The following ANK3 variants were observed in gnomAD, a reference collection of about 807,000 sequenced individuals.
ANK3 encodes the protein ankyrin 3.
ANK3 carries 57 observed loss-of-function variants against 370.9 expected under a neutral mutation model. The observed-to-expected ratio is 0.15, with a 90% CI of 0.12 to 0.19. The LOEUF (loss-of-function observed/expected upper bound fraction) is 0.19. Among genes scored for constraint, ANK3 ranks in the 10% least tolerant of loss-of-function variants. The pLI is 1.00. For missense variants in ANK3, 4,439 were observed against 5,302.1 expected (o/e 0.84, Z 5.06); for synonymous variants, 1,929 against 1,946.3 (o/e 0.99, Z 0.23).
chr10:60,074,583 C>T lies in ANK3; in HGVS notation c.6298G>A (p.Asp2100Asn). ...TSEKELCKMA[D>N]SFFGTDTILE... ...ATAGTATCTGTTCCAAAAAAGGAAT[C>T]AGCCATTTTACACAATTCTTTCTCA... Residue 2100 changes from aspartate to asparagine, a missense_variant, in exon 37 of 44, where the codon GAT becomes AAT. This residue lies in a region of ANK3 where 679 missense variants were observed against 791.0 expected (regional missense o/e 0.86). Transcript: ENST00000280772. 6.2e-7 allele frequency: 1 copy of T among 1,614,104 alleles called. No individual in the cohort carries two copies. Among genetic ancestry groups the T allele is most frequent in the Non-Finnish European group, 8.5e-7 (1 of 1,179,998 alleles).
chr10:60,368,335 A>G (rs1413532476), intron 1 of ANK3, among the ~76,000 whole-genome samples: 1 of 152,166 alleles, frequency 6.6e-6, no homozygotes, highest in Non-Finnish European at 1.5e-5. Flanking sequence ...AACGGCACAT[A>G]GTCATGGAGA....
At chr10:60,484,081 CA>C (rs1333026749) in intron 2 of ANK3, among the ~76,000 whole-genome samples, 1 of 151,938 alleles carries the variant, frequency 6.6e-6, no homozygotes, top group African/African-American at 2.4e-5. Context: ...TGAAGATAAG[CA>C]ATAATAAAGT....
chr10:60,250,626 A>G (rs1468390230), intron 7 of ANK3, among the ~76,000 whole-genome samples: 1 of 152,006 alleles, frequency 6.6e-6, no homozygotes, highest in African/African-American at 2.4e-5. Context: ...TGGCCTCCCA[A>G]AGTTCTGGGA....
chr10:60,266,644 T>C (rs1330282828), intron 5 of ANK3, among the ~76,000 whole-genome samples: 1 of 152,210 alleles, frequency 6.6e-6, no homozygotes, highest in African/African-American at 2.4e-5. Context: ...CTGAGCCGAT[T>C]AGCAGTGACA....
intron 2 of ANK3, among the ~76,000 whole-genome samples, chr10:60,560,040 C>CATAG (rs756089866): frequency 1.8e-4 from 27 of 151,498 alleles, no homozygotes; most frequent in African/African-American, 3.6e-4. Context: ...ATCTGTCATT[C>CATAG]ATAGATAGAT....
At chr10:60,301,482 C>T (rs1296961092) in intron 1 of ANK3, among the ~76,000 whole-genome samples, 2 of 148,622 alleles carry the variant, frequency 1.3e-5, no homozygotes, top group South Asian at 2.1e-4. Context: ...GGCAGGATCT[C>T]GGCTCACTGC....
chr10:60,315,959 C>T (rs1379387450), intron 1 of ANK3, among the ~76,000 whole-genome samples: 2 of 152,138 alleles, frequency 1.3e-5, no homozygotes, highest in African/African-American at 2.4e-5. Flanking sequence ...TCAGCTTTTA[C>T]TCTATGTGCT....
chr10:60,312,732 A>C (rs1395481428), intron 1 of ANK3, among the ~76,000 whole-genome samples: 1 of 152,234 alleles, frequency 6.6e-6, no homozygotes, highest in Non-Finnish European at 1.5e-5. Context: ...TTAATTTCCA[A>C]TATTCACAAA....
intron 24 of ANK3, among the ~76,000 whole-genome samples, chr10:60,136,351 G>C (rs2094342409): frequency 6.6e-6 from 1 of 152,140 alleles, no homozygotes; most frequent in Non-Finnish European, 1.5e-5. Context: ...TAGGTGGCTA[G>C]TGGCTACATT....
At chr10:60,530,362 C>G (rs766537488) in intron 2 of ANK3, among the ~76,000 whole-genome samples, 5 of 151,348 alleles carry the variant, frequency 3.3e-5, no homozygotes, top group Non-Finnish European at 5.9e-5. Context: ...TTAATGATAA[C>G]TAAGTTTAAC....
intron 8 of ANK3, among the ~76,000 whole-genome samples, chr10:60,227,777 C>T (rs1453134371): frequency 6.6e-6 from 1 of 151,982 alleles, no homozygotes. Context: ...TGGTTCTTTC[C>T]CCCGCATTAT....
chr10:60,561,607 T>C (rs116469902), intron 2 of ANK3, among the ~76,000 whole-genome samples: 1,724 of 152,334 alleles, frequency 0.011, 39 homozygotes, highest in African/African-American at 0.04. Flanking sequence ...AAAACATTGG[T>C]TGGATTCTGG....
At chr10:60,603,987 T>C (rs1179757655) in intron 2 of ANK3, among the ~76,000 whole-genome samples, 1 of 152,202 alleles carries the variant, frequency 6.6e-6, no homozygotes, top group Non-Finnish European at 1.5e-5. Context: ...TAAAAACTGT[T>C]CATTAGTATT....
At chr10:60,716,588 A>G (rs2079792649) in intron 1 of ANK3, among the ~76,000 whole-genome samples, 1 of 152,194 alleles carries the variant, frequency 6.6e-6, no homozygotes, top group South Asian at 2.1e-4. Flanking sequence ...TTCACAGCTC[A>G]CTGCAACCTC....
At chr10:60,635,947 A>ATATTTCCTTATATATG (rs2078549304) in intron 1 of ANK3, among the ~76,000 whole-genome samples, 4 of 152,222 alleles carry the variant, frequency 2.6e-5, no homozygotes, top group African/African-American at 9.6e-5. Context: ...GAAATATTTC[A>ATATTTCCTTATATATG]CAGCCATATA....
intron 2 of ANK3, among the ~76,000 whole-genome samples, chr10:60,584,139 A>C (rs2077797254): frequency 6.6e-6 from 1 of 152,154 alleles, no homozygotes; most frequent in South Asian, 2.1e-4. Flanking sequence ...ACTTCTTACC[A>C]GAAGTTCAGA....
At chr10:60,248,261 T>C (rs962657178) in intron 7 of ANK3, among the ~76,000 whole-genome samples, 52 of 152,342 alleles carry the variant, frequency 3.4e-4, no homozygotes, top group African/African-American at 1.2e-3. Context: ...GCTGCTTTCA[T>C]TGTGGTTGTA....
chr10:60,608,785 C>T (rs1287548943), intron 2 of ANK3, among the ~76,000 whole-genome samples: 1 of 152,140 alleles, frequency 6.6e-6, no homozygotes, highest in African/African-American at 2.4e-5. Flanking sequence ...ATCCTCAAAT[C>T]CTGTTCCTCT....
chr10:60,558,697 T>C (rs2077264929), intron 2 of ANK3, among the ~76,000 whole-genome samples: 1 of 152,228 alleles, frequency 6.6e-6, no homozygotes, highest in Non-Finnish European at 1.5e-5. Flanking sequence ...CTTACACAAA[T>C]ATATTAAGAA....
Sources: allele counts gnomAD v4.1 joint callset (sites outside exome capture counted in the v4.1 genomes callset), GRCh38; gene constraint gnomAD v4.1.1; regional missense constraint gnomAD v4.1.1; transcripts MANE v1.5; gene names NCBI Gene and HGNC (gene_info 2026-07-23, HGNC 2026-07-21).